Variants in PSD2 observed in about 807,000 individuals in gnomAD.
The protein encoded by PSD2 is pleckstrin and Sec7 domain containing 2.
Under a neutral mutation model 69.8 loss-of-function variants are expected in PSD2, and 38 were observed. The ratio of observed to expected loss-of-function variants is 0.54; its 90% CI spans 0.42 to 0.71. The LOEUF is 0.71. Among genes scored for constraint, PSD2 ranks in the 30% least tolerant of loss-of-function variants. The probability of loss-of-function intolerance (pLI) is 0.00; values close to 1 mark genes in which losing one functional copy is unlikely to be tolerated. For synonymous variants in PSD2, 412 were observed against 423.0 expected (o/e 0.97, Z 0.32); for missense variants, 943 against 1,014.5 (o/e 0.93, Z 0.96).
chr5:139,835,617 A>G, intron 8 of PSD2, 106 bp from the exon 9 acceptor site: 1 of 1,157,238 alleles, frequency 8.6e-7, no homozygotes, highest in South Asian at 1.3e-5. Context: ...ACTTTGCCCC[A>G]TTGGCTGAAA....
the PSD2 span, among the ~76,000 whole-genome samples, chr5:139,768,579 T>C: frequency 1.3e-5 from 2 of 151,924 alleles, no homozygotes; most frequent in Admixed American, 1.3e-4. Flanking sequence ...CAAAATTAGC[T>C]GGGCTTGGTG....
At chr5:139,832,227 A>G (rs1760613844) in intron 7 of PSD2, among the ~76,000 whole-genome samples, 1 of 152,246 alleles carries the variant, frequency 6.6e-6, no homozygotes, top group Non-Finnish European at 1.5e-5. Flanking sequence ...GAACTCAAAG[A>G]CAGTCTTACC....
chr5:139,808,737 C>T (rs1759872478), intron 1 of PSD2, among the ~76,000 whole-genome samples: 1 of 152,208 alleles, frequency 6.6e-6, no homozygotes, highest in African/African-American at 2.4e-5. Context: ...GAGAGGCTCC[C>T]GGGTGGCACC....
At chr5:139,757,114 T>C in the PSD2 span, among the ~76,000 whole-genome samples, 2 of 152,148 alleles carry the variant, frequency 1.3e-5, no homozygotes, top group South Asian at 4.1e-4. Context: ...AAGCGGATTC[T>C]CTCCTGGGAG....
the PSD2 span, among the ~76,000 whole-genome samples, chr5:139,778,482 C>T: frequency 6.6e-6 from 1 of 152,206 alleles, no homozygotes; most frequent in Non-Finnish European, 1.5e-5. Context: ...ACATAATACT[C>T]CAGTGCATAA....
chr5:139,755,952 A>G, the PSD2 span, among the ~76,000 whole-genome samples: 2 of 152,162 alleles, frequency 1.3e-5, no homozygotes, highest in Admixed American at 6.5e-5. Flanking sequence ...AAAATAGACT[A>G]TTAAAGACAG....
At chr5:139,763,105 G>T in the PSD2 span, among the ~76,000 whole-genome samples, 4 of 152,222 alleles carry the variant, frequency 2.6e-5, no homozygotes, top group Middle Eastern at 0.014. Flanking sequence ...TCCTCAGTGG[G>T]GTGCCTGAAC....
chr5:139,796,839 A>G (rs554036664), intron 1 of PSD2, among the ~76,000 whole-genome samples: 116 of 152,322 alleles, frequency 7.6e-4, no homozygotes, highest in African/African-American at 2.7e-3. Flanking sequence ...CAGAAGCAGC[A>G]GTCACAATGG....
Position 139,820,972 on chromosome 5 carries a change from G to A in PSD2, c.1098-921G>A, listed in dbSNP as rs578031668. 1.5e-3 allele frequency among the ~76,000 whole-genome samples: 234 copies of A among 151,482 alleles called. 1 individual carries two copies. The highest frequency in any genetic ancestry group is 5.4e-3 in the African/African-American group (223 of 41,266). On this transcript the variant is annotated intron_variant, in intron 5 of 14. Transcript: ENST00000274710. Reference sequence around the variant, plus strand: ...TCTTGAGATGGAATCTTCTTCTGTCGCCCAGGCTGGAGTGCAATGGTGCGA... The same window carrying A: ...TCTTGAGATGGAATCTTCTTCTGTCACCCAGGCTGGAGTGCAATGGTGCGA...
At chr5:139,815,995 TAAAAAAA>T (rs768724760) in intron 4 of PSD2, among the ~76,000 whole-genome samples, 11 of 92,756 alleles carry the variant, frequency 1.2e-4, no homozygotes, top group East Asian at 3.1e-4. Context: ...CTCCATATAT[TAAAAAAA>T]AAAAAAAAAA....
intron 5 of PSD2, among the ~76,000 whole-genome samples, chr5:139,820,008 GC>G (rs1760217363): frequency 6.6e-6 from 1 of 152,206 alleles, no homozygotes; most frequent in African/African-American, 2.4e-5. Flanking sequence ...GAGGCATGTA[GC>G]CTTCTGAAGA....
upstream of PSD2, among the ~76,000 whole-genome samples, chr5:139,792,820 C>CCCTT (rs1183802965): frequency 1.4e-5 from 2 of 145,340 alleles, no homozygotes; most frequent in Non-Finnish European, 3.0e-5. Flanking sequence ...TTCCTTCCTT[C>CCCTT]CCTTCCTTCC....
At chr5:139,792,740 T>G (rs1759435541), upstream of PSD2, among the ~76,000 whole-genome samples, 1 of 151,900 alleles carries the variant, frequency 6.6e-6, no homozygotes, top group Non-Finnish European at 1.5e-5. Flanking sequence ...CTCTCTTTCT[T>G]TTTTCTTTCT....
Position 139,822,706 on chromosome 5 carries a change from T to G in PSD2, c.1211-20T>G. ...AGAGGTTGGATCCTCGCACTGAGAGTGCCACCATCTCTGACTCAGATGGGA... is the reference window on the plus strand; with the variant it reads ...AGAGGTTGGATCCTCGCACTGAGAGGGCCACCATCTCTGACTCAGATGGGA... On this transcript the variant is annotated intron_variant, in intron 6 of 14. Coordinates refer to ENST00000274710, the MANE Select transcript of PSD2 (RefSeq NM_032289.4). 1 of 1,604,950 alleles carries G rather than the reference T, an allele frequency of 6.2e-7. No individual in the cohort carries two copies. Among genetic ancestry groups the G allele is most frequent in the Non-Finnish European group, 8.5e-7 (1 of 1,174,936 alleles).
At chr5:139,778,479 AC>A in the PSD2 span, among the ~76,000 whole-genome samples, 1 of 152,158 alleles carries the variant, frequency 6.6e-6, no homozygotes, top group Admixed American at 6.5e-5. Context: ...ATGACATAAT[AC>A]TCCAGTGCAT....
chr5:139,821,560 G>A lies in PSD2; in HGVS notation c.1098-333G>A, dbSNP rs77536870. On this transcript the variant is annotated intron_variant, in intron 5 of 14. Coordinates refer to ENST00000274710, the MANE Select transcript of PSD2 (RefSeq NM_032289.4). ...ACAGGGTCCGGCTGTAGGGGAAGGA[G>A]CAAGGAGTGGGCATCCACCCTGAAG... Among the ~76,000 whole-genome samples the A allele has an allele frequency of 7.2e-5, 11 of 152,348 alleles. No homozygotes were observed. The East Asian group carries it at 2.1e-3, about 29-fold the overall frequency.
intron 7 of PSD2, among the ~76,000 whole-genome samples, chr5:139,833,110 G>T (rs1288100308): frequency 6.6e-6 from 1 of 152,062 alleles, no homozygotes; most frequent in African/African-American, 2.4e-5. Context: ...CAGGTGAGAG[G>T]GCGAGACAGT....
intron 7 of PSD2, among the ~76,000 whole-genome samples, chr5:139,831,048 T>G (rs1760589638): frequency 6.6e-6 from 1 of 152,120 alleles, no homozygotes; most frequent in Non-Finnish European, 1.5e-5. Flanking sequence ...CAGCCAAGAT[T>G]GTGAATATGT....
At chr5:139,823,154 C>T (rs1667466297) in intron 7 of PSD2, among the ~76,000 whole-genome samples, 1 of 152,240 alleles carries the variant, frequency 6.6e-6, no homozygotes, top group South Asian at 2.1e-4. Context: ...CGGCCCCTAC[C>T]AGGCCAAGCA....
Sources: gnomAD v4.1 joint callset for allele counts (sites outside exome capture counted in the v4.1 genomes callset) on GRCh38, gnomAD v4.1.1 for gene constraint, MANE v1.5 for transcripts, NCBI Gene and HGNC (gene_info 2026-07-23, HGNC 2026-07-21) for gene names.